The following BTBD9 variants were observed in gnomAD, a reference collection of about 807,000 sequenced individuals.
The protein encoded by BTBD9 is BTB/POZ domain-containing protein 9.
In BTBD9, 49 loss-of-function variants were observed where a neutral mutation model predicts 64.3. The ratio of observed to expected loss-of-function variants is 0.76; its 90% CI spans 0.61 to 0.97. The LOEUF is 0.97. Ranked by LOEUF, BTBD9 falls within the 50% of genes least tolerant of loss-of-function variation. The probability of loss-of-function intolerance (pLI) is 0.00; values close to 1 mark genes in which losing one functional copy is unlikely to be tolerated. For missense variants in BTBD9, 598 were observed against 762.1 expected (o/e 0.78, Z 2.53); for synonymous variants, 260 against 274.7 (o/e 0.95, Z 0.53).
intron 1 of BTBD9, among the ~76,000 whole-genome samples, chr6:38,635,774 T>C (rs947405300): frequency 6.6e-6 from 1 of 152,230 alleles, no homozygotes; most frequent in Non-Finnish European, 1.5e-5. Flanking sequence ...TTCTGTTCTT[T>C]ATAAATTAAC....
chr6:38,298,385 A>C (rs1762240253), intron 7 of BTBD9, among the ~76,000 whole-genome samples: 1 of 152,200 alleles, frequency 6.6e-6, no homozygotes, highest in African/African-American at 2.4e-5. Context: ...TAGTTTTGAC[A>C]CATAATATTT....
chr6:38,629,121 G>C (rs190543489), intron 1 of BTBD9, among the ~76,000 whole-genome samples: 2 of 151,998 alleles, frequency 1.3e-5, no homozygotes, highest in African/African-American at 4.8e-5. Flanking sequence ...TAATTAACTA[G>C]TTAATTAATG....
chr6:38,322,748 A>T (rs1763284945), intron 7 of BTBD9, among the ~76,000 whole-genome samples: 1 of 152,230 alleles, frequency 6.6e-6, no homozygotes, highest in African/African-American at 2.4e-5. Context: ...ACAAAATGTC[A>T]CAAATGTAAA....
rs1038176009 is a variant in BTBD9 at position 38,261,129 on chromosome 6, T to C, written c.1455-4613A>G. On this transcript the variant is annotated intron_variant, in intron 8 of 10. Coordinates refer to ENST00000481247, the MANE Select transcript of BTBD9 (RefSeq NM_001099272.2). ...TGATATTTTTTTTTTTTTAATTTTGTTGCCTAGGCTAGTCTCCAACTCCTG... is the reference window on the plus strand; with the variant it reads ...TGATATTTTTTTTTTTTTAATTTTGCTGCCTAGGCTAGTCTCCAACTCCTG... Among the ~76,000 whole-genome samples the C allele has an allele frequency of 3.9e-5, 6 of 151,982 alleles. No individual in the cohort carries two copies. The South Asian group carries it at 1.2e-3, about 32-fold the overall frequency.
At chr6:38,206,221 A>T (rs1020424836) in intron 9 of BTBD9, among the ~76,000 whole-genome samples, 1 of 146,440 alleles carries the variant, frequency 6.8e-6, no homozygotes, top group Non-Finnish European at 1.5e-5. Context: ...AAACTAAGCA[A>T]TTTTTTTTTT....
intron 7 of BTBD9, among the ~76,000 whole-genome samples, chr6:38,297,340 TGG>T (rs1323866621): frequency 2.0e-5 from 3 of 152,138 alleles, no homozygotes; most frequent in African/African-American, 7.2e-5. Context: ...CACCCCAGCC[TGG>T]GCAACAGAGT....
At chr6:38,504,284 T>C (rs991600563) in intron 6 of BTBD9, among the ~76,000 whole-genome samples, 1 of 152,218 alleles carries the variant, frequency 6.6e-6, no homozygotes, top group African/African-American at 2.4e-5. Flanking sequence ...ACACTCCCGC[T>C]CCTACTTTCT....
Position 38,436,372 on chromosome 6 carries a change from A to ATTT in BTBD9, c.1155-91282_1155-91280dup, listed in dbSNP as rs10647439. Among the ~76,000 whole-genome samples the ATTT allele has an allele frequency of 5.3e-3, 632 of 118,276 alleles. 20 individuals are homozygous for ATTT. Among genetic ancestry groups the ATTT allele is most frequent in the African/African-American group, 0.014 (419 of 30,168 alleles). The allele number at this position is 118,276 out of a possible 152,430, so 77.6% of individuals were successfully genotyped here. Reference sequence around the variant, plus strand: ...AAGCAATAATATCTACCCCAATTCTATTTTTTTTTTTTTTTTTTTTGAGAC... The same window carrying ATTT: ...AAGCAATAATATCTACCCCAATTCTATTTTTTTTTTTTTTTTTTTTTTTGAGAC... On this transcript the variant is annotated intron_variant, in intron 6 of 10. Coordinates refer to ENST00000481247, the MANE Select transcript of BTBD9 (RefSeq NM_001099272.2).
At chr6:38,238,214 T>C (rs1160455160) in intron 9 of BTBD9, among the ~76,000 whole-genome samples, 2 of 152,200 alleles carry the variant, frequency 1.3e-5, no homozygotes, top group African/African-American at 4.8e-5. Flanking sequence ...TGGCCTGTGA[T>C]ACAACCCTCA....
At chr6:38,311,117 G>C (rs1226919087) in intron 7 of BTBD9, among the ~76,000 whole-genome samples, 1 of 151,990 alleles carries the variant, frequency 6.6e-6, no homozygotes, top group African/African-American at 2.4e-5. Flanking sequence ...GGCCTTTCTA[G>C]TTATTTTTAA....
rs1761701095 is a variant in BTBD9, at chr6:38,184,025, A to T, written c.1641+8494T>A. On this transcript the variant is annotated intron_variant, in intron 10 of 10. Transcript: ENST00000481247. The surrounding 1 kb of genome is among the most constrained non-coding windows in gnomAD (Gnocchi z 4.4). The stretch of plus-strand genomic sequence containing the variant: ...CCTCCTGCTTTTGAAGTTTCCATGA[A>T]TGTAATCCTAGTATACGTATTCTTT... Among the ~76,000 whole-genome samples the T allele has an allele frequency of 6.6e-6, 1 of 152,188 alleles. No homozygotes were observed.
chr6:38,566,007 C>T (rs139461762), intron 6 of BTBD9: 15 of 152,074 alleles, frequency 9.9e-5, no homozygotes, highest in Admixed American at 9.8e-4. Context: ...AGATCGAAAT[C>T]CTTATTCTAC....
chr6:38,432,706 T>C (rs1768499759), intron 6 of BTBD9, among the ~76,000 whole-genome samples: 1 of 151,958 alleles, frequency 6.6e-6, no homozygotes, highest in Non-Finnish European at 1.5e-5. Context: ...CAACAGGTCC[T>C]GTGGCACACA....
intron 3 of BTBD9, 90 bp from the exon 4 acceptor site, chr6:38,592,930 T>C: frequency 7.4e-7 from 1 of 1,349,858 alleles, no homozygotes; most frequent in East Asian, 2.4e-5. Flanking sequence ...AAGTATAACT[T>C]AGCCAATTAA....
In BTBD9 at chr6:38,460,768, C is replaced by T. The variant is rs188707679; in HGVS notation, c.1155-115675G>A. The stretch of plus-strand genomic sequence containing the variant: ...CCTCCCAAGTAGCTGGGACTACAGG[C>T]GCCTGCCATCACGCCCGGCTAACTT... On this transcript the variant is annotated intron_variant, in intron 6 of 10. Coordinates refer to ENST00000481247, the MANE Select transcript of BTBD9 (RefSeq NM_001099272.2). Among the ~76,000 whole-genome samples, 196 of 152,262 alleles carry T rather than the reference C, an allele frequency of 1.3e-3. No homozygotes were observed. In the Middle Eastern group the frequency reaches 0.014, roughly 11 times the overall value.
At chr6:38,375,339 A>AT (rs1765638827) in intron 6 of BTBD9, among the ~76,000 whole-genome samples, 1 of 152,154 alleles carries the variant, frequency 6.6e-6, no homozygotes, top group Non-Finnish European at 1.5e-5. Flanking sequence ...AGCGTCAAAT[A>AT]TTTACTAAGC....
chr6:38,292,577 T>C (rs947907031), intron 7 of BTBD9, among the ~76,000 whole-genome samples: 1 of 152,226 alleles, frequency 6.6e-6, no homozygotes, highest in Non-Finnish European at 1.5e-5. Flanking sequence ...TTTATCCATT[T>C]CTTCTAGGTT....
intron 8 of BTBD9, among the ~76,000 whole-genome samples, chr6:38,264,298 G>GTCAT (rs1764896908): frequency 6.6e-6 from 1 of 152,196 alleles, no homozygotes; most frequent in Admixed American, 6.5e-5. Context: ...ATGACCACCT[G>GTCAT]TAGGCTTCTG....
chr6:38,408,799 C>G (rs1201250088), intron 6 of BTBD9, among the ~76,000 whole-genome samples: 1 of 152,174 alleles, frequency 6.6e-6, no homozygotes, highest in East Asian at 1.9e-4. Flanking sequence ...GTCCGAAAAA[C>G]TAAGGCTAAA....
Sources: gnomAD v4.1 joint callset for allele counts (sites outside exome capture counted in the v4.1 genomes callset) on GRCh38, gnomAD v4.1.1 for gene constraint, Gnocchi (gnomAD v3.1) non-coding constraint, MANE v1.5 for transcripts, NCBI Gene and HGNC (gene_info 2026-07-23, HGNC 2026-07-21) for gene names.